The following RBFOX1 variants were observed in gnomAD, a reference collection of about 807,000 sequenced individuals.
RBFOX1 encodes the protein RNA binding fox-1 homolog 1.
RBFOX1 carries 8 observed loss-of-function variants against 57.7 expected under a neutral mutation model. The ratio of observed to expected loss-of-function variants is 0.14; its 90% CI spans 0.08 to 0.25. The LOEUF is 0.25. Among genes scored for constraint, RBFOX1 ranks in the 10% least tolerant of loss-of-function variants. The probability of loss-of-function intolerance (pLI) is 1.00; values close to 1 mark genes in which losing one functional copy is unlikely to be tolerated. For missense variants in RBFOX1, 611 were observed against 548.5 expected, an observed-to-expected ratio of 1.11 and a Z score of -1.14; for synonymous variants, 326 against 222.4, an observed-to-expected ratio of 1.47 and a Z score of -4.15.
intron 11 of RBFOX1, among the ~76,000 whole-genome samples, chr16:7,649,981 G>C (rs867651012): frequency 3.9e-5 from 4 of 102,246 alleles, no homozygotes; most frequent in African/African-American, 1.3e-4. Context: ...AGAGGAAGAA[G>C]AGCGAGGGGA....
At position 6,223,625 on chromosome 16, in the gene RBFOX1, C is replaced by T. The variant is rs973471396; in HGVS notation, c.-126-93370C>T. Among the ~76,000 whole-genome samples, 16 of 152,194 alleles carry T rather than the reference C, an allele frequency of 1.1e-4. No individual in the cohort carries two copies. The South Asian group carries it at 1.2e-3, about 12-fold the overall frequency. On this transcript the variant is annotated intron_variant, in intron 1 of 15. Coordinates refer to ENST00000550418, the MANE Select transcript of RBFOX1 (RefSeq NM_018723.4). ...AGCCCTTTGTCAGATGAGTAGGTTG[C>T]GAAAATTTTCTCCCATTTTGTAGGT...
At chr16:7,687,257 C>G (rs1048304435) in intron 14 of RBFOX1, among the ~76,000 whole-genome samples, 1 of 151,970 alleles carries the variant, frequency 6.6e-6, no homozygotes, top group Non-Finnish European at 1.5e-5. Context: ...GGGATTTGTA[C>G]CATTCTGGAG....
chr16:6,768,531 A>G (rs2077742812), intron 3 of RBFOX1, among the ~76,000 whole-genome samples: 1 of 152,022 alleles, frequency 6.6e-6, no homozygotes, highest in Non-Finnish European at 1.5e-5. Flanking sequence ...TATTTTCTAT[A>G]CATTGACAAA....
rs1032328578 is a variant in RBFOX1, at chr16:7,040,122, G to A, written c.-15-11935G>A. On this transcript the variant is annotated intron_variant, in intron 3 of 15. Coordinates refer to ENST00000550418, the MANE Select transcript of RBFOX1 (RefSeq NM_018723.4). ...TGCAACCTCTGCCTCCCAGGTTCAA[G>A]CAATTCTCCTGCCTCAGCCTCCCGA... 4.6e-5 allele frequency among the ~76,000 whole-genome samples: 7 copies of A among 152,110 alleles called. No homozygotes were observed. In the Middle Eastern group the frequency reaches 0.014, roughly 298 times the overall value.
chr16:6,505,803 G>C (rs2096073144), intron 2 of RBFOX1, among the ~76,000 whole-genome samples: 1 of 152,178 alleles, frequency 6.6e-6, no homozygotes, highest in Non-Finnish European at 1.5e-5. Flanking sequence ...CAGTGGTTCT[G>C]ATAACACATT....
At chr16:6,099,449 A>T (rs1361791720) in intron 1 of RBFOX1, among the ~76,000 whole-genome samples, 1 of 152,180 alleles carries the variant, frequency 6.6e-6, no homozygotes, top group Non-Finnish European at 1.5e-5. Context: ...TGATTATGTG[A>T]TTCTATTTTT....
intron 3 of RBFOX1, among the ~76,000 whole-genome samples, chr16:6,976,904 A>G (rs2087060926): frequency 6.8e-6 from 1 of 146,052 alleles, no homozygotes; most frequent in African/African-American, 2.5e-5. Context: ...GGTGTATATC[A>G]TATATATCAC....
chr16:7,528,112 C>T (rs2079107795), intron 5 of RBFOX1, among the ~76,000 whole-genome samples: 1 of 152,046 alleles, frequency 6.6e-6, no homozygotes, highest in Admixed American at 6.5e-5. Flanking sequence ...TTTTTAAGAC[C>T]CAAGGACATC....
chr16:5,930,132 G>C (rs923404036), intron 4 of RBFOX1, among the ~76,000 whole-genome samples: 1 of 151,450 alleles, frequency 6.6e-6, no homozygotes, highest in Non-Finnish European at 1.5e-5. Flanking sequence ...GGTGCCTCCA[G>C]GGGCATCTGT....
intron 3 of RBFOX1, among the ~76,000 whole-genome samples, chr16:5,788,173 G>T (rs1475629003): frequency 6.6e-6 from 1 of 152,166 alleles, no homozygotes; most frequent in Admixed American, 6.5e-5. Context: ...TTGCTCCCAG[G>T]ACTGCATCCT....
chr16:6,745,395 A>T (rs2073344848), intron 3 of RBFOX1, among the ~76,000 whole-genome samples: 2 of 152,198 alleles, frequency 1.3e-5, no homozygotes, highest in African/African-American at 4.8e-5. Context: ...ACCTATGTGA[A>T]AATTCTAAAA....
intron 3 of RBFOX1, among the ~76,000 whole-genome samples, chr16:7,022,312 C>G (rs2039546505): frequency 6.6e-6 from 1 of 151,502 alleles, no homozygotes; most frequent in Non-Finnish European, 1.5e-5. Context: ...CTCAGCCTCC[C>G]AAAGTGCTGG....
chr16:6,532,561 C>A (rs925654270), intron 2 of RBFOX1, among the ~76,000 whole-genome samples: 1 of 152,194 alleles, frequency 6.6e-6, no homozygotes, highest in Non-Finnish European at 1.5e-5. Context: ...CTCCCTCATG[C>A]TGCCATCCCC....
intron 2 of RBFOX1, among the ~76,000 whole-genome samples, chr16:6,357,491 G>A (rs1412772573): frequency 6.6e-6 from 1 of 152,060 alleles, no homozygotes; most frequent in African/African-American, 2.4e-5. Context: ...TAAGGGAGTT[G>A]GAAAGAGCTG....
intron 3 of RBFOX1, among the ~76,000 whole-genome samples, chr16:6,938,594 C>T (rs764904951): frequency 4.6e-5 from 7 of 151,742 alleles, no homozygotes; most frequent in Non-Finnish European, 1.0e-4. Flanking sequence ...TTTCCTCTGG[C>T]TATGTGTGGT....
chr16:5,607,668 A>G (rs143796538), intron 3 of RBFOX1, among the ~76,000 whole-genome samples: 3 of 152,138 alleles, frequency 2.0e-5, no homozygotes, highest in Non-Finnish European at 1.5e-5. Flanking sequence ...CTGTTGATGT[A>G]AACTGTCCCA....
At chr16:5,642,048 C>A (rs893861087) in intron 3 of RBFOX1, among the ~76,000 whole-genome samples, 9 of 152,090 alleles carry the variant, frequency 5.9e-5, no homozygotes, top group African/African-American at 9.7e-5. Flanking sequence ...CTTTGAGGAG[C>A]AAGACTGGGA....
At position 6,091,604 on chromosome 16, in the gene RBFOX1, C is replaced by A. The variant is rs537564772; in HGVS notation, c.-127+71612C>A. Among the ~76,000 whole-genome samples the A allele has an allele frequency of 2.0e-3, 306 of 152,216 alleles. 3 individuals are homozygous for A. The highest frequency in any genetic ancestry group is 5.8e-4 in the East Asian group (3 of 5,166). Reference sequence around the variant, plus strand: ...CAGGACTTTTGAAGGCTGAGGCAGGCGGATCACCTGAGGTCATGAGTTCGA... The same window carrying A: ...CAGGACTTTTGAAGGCTGAGGCAGGAGGATCACCTGAGGTCATGAGTTCGA... On this transcript the variant is annotated intron_variant, in intron 1 of 15. Transcript: ENST00000550418.
intron 2 of RBFOX1, among the ~76,000 whole-genome samples, chr16:5,513,208 G>A (rs535268944): frequency 3.9e-5 from 6 of 152,190 alleles, no homozygotes; most frequent in Admixed American, 6.5e-5. Flanking sequence ...CAAGGTACCC[G>A]GCTACTTTCC....
Sources: allele counts gnomAD v4.1 joint callset (sites outside exome capture counted in the v4.1 genomes callset), GRCh38; gene constraint gnomAD v4.1.1; transcripts MANE v1.5; gene names NCBI Gene and HGNC (gene_info 2026-07-23, HGNC 2026-07-21).